LRRK1: variants seen among roughly 807,000 people sequenced by gnomAD.
The protein encoded by LRRK1 is leucine rich repeat kinase 1.
Under a neutral mutation model 209.1 loss-of-function variants are expected in LRRK1, and 113 were observed. The observed-to-expected ratio is 0.54, with a 90% CI of 0.46 to 0.63. The LOEUF is 0.63. LRRK1 is among the 30% of genes least tolerant of loss of function. The pLI, the probability that LRRK1 is intolerant of heterozygous loss-of-function variation, is 0.00. For missense variants in LRRK1, 2,284 were observed against 2,632.2 expected (o/e 0.87, Z 2.89); for synonymous variants, 1,144 against 1,099.7 (o/e 1.04, Z -0.80).
At position 100,973,234 on chromosome 15, in the gene LRRK1, C is replaced by A. The variant is rs572842512; in HGVS notation, c.98-570C>A. The stretch of plus-strand genomic sequence containing the variant: ...CTCGGATGACCGGGAGCAGCCCACG[C>A]TCTGGTGAAGCAGCGCGACCCGAGG... On this transcript the variant is annotated intron_variant, in intron 2 of 33. Transcript: ENST00000388948. Among the ~76,000 whole-genome samples the A allele has an allele frequency of 1.5e-4, 23 of 152,338 alleles. No individual in the cohort carries two copies. The East Asian group carries it at 4.5e-3, about 29-fold the overall frequency.
chr15:101,068,622 C>A, intron 33 of LRRK1, 49 bp from the exon 34 acceptor site: 2 of 1,525,228 alleles, frequency 1.3e-6, no homozygotes, highest in Non-Finnish European at 8.8e-7. Flanking sequence ...CCCAACCCCA[C>A]CCGAGTGGGA....
Position 101,073,196 on chromosome 15 carries a change from ATTCCT to A in LRRK1, c.*4352_*4356del, listed in dbSNP as rs1292126835. ...CAATTTCTCCCTTCTCTTAACTTCA[ATTCCT>A]TTCATTTTCTGGTAGAGATAAAGGA... On this transcript the variant is annotated 3_prime_UTR_variant, in exon 34 of 34. Coordinates refer to ENST00000388948, the MANE Select transcript of LRRK1 (RefSeq NM_024652.6). The A allele has an allele frequency of 3.3e-5, 5 of 152,616 alleles. No homozygotes were observed. The highest frequency in any genetic ancestry group is 1.2e-4 in the African/African-American group (5 of 41,534). 9.5% of individuals were successfully genotyped at this position (152,616 alleles called of 1,614,324 possible).
intron 2 of LRRK1, among the ~76,000 whole-genome samples, chr15:100,934,943 C>G (rs1041935276): frequency 2.6e-5 from 4 of 152,080 alleles, no homozygotes; most frequent in African/African-American, 9.7e-5. Context: ...TGTTGAATCT[C>G]AGGTCTGCTC....
At chr15:101,061,753 G>A (rs2036195022) in intron 30 of LRRK1, among the ~76,000 whole-genome samples, 1 of 152,230 alleles carries the variant, frequency 6.6e-6, no homozygotes, top group South Asian at 2.1e-4. Context: ...GCTCACGCCT[G>A]TAATCCCAGC....
chr15:100,940,577 G>A (rs371198512), intron 2 of LRRK1, among the ~76,000 whole-genome samples: 10 of 152,078 alleles, frequency 6.6e-5, no homozygotes, highest in African/African-American at 1.7e-4. Flanking sequence ...AACTCTTCTC[G>A]TTTTAATTCC....
chr15:101,014,127 G>A (rs968853156), intron 10 of LRRK1, among the ~76,000 whole-genome samples, 189 bp from the exon 11 acceptor site: 3 of 152,190 alleles, frequency 2.0e-5, no homozygotes, highest in South Asian at 2.1e-4. Context: ...TGGCCCCGTC[G>A]CACTGTTTGA....
chr15:101,025,829 G>A (rs930876244), intron 16 of LRRK1, 136 bp from the exon 17 acceptor site: 159 of 853,002 alleles, frequency 1.9e-4, no homozygotes, highest in Middle Eastern at 9.3e-4. Flanking sequence ...CATCCAAACC[G>A]TCTCAAGGCT....
intron 2 of LRRK1, among the ~76,000 whole-genome samples, chr15:100,964,045 A>G (rs2030284389): frequency 6.6e-6 from 1 of 152,182 alleles, no homozygotes; most frequent in African/African-American, 2.4e-5. Flanking sequence ...ACAAAATGGT[A>G]ATCTATGCCG....
rs1374460479 is a variant in LRRK1 at position 101,022,049 on chromosome 15, G to A, written c.1852+92G>A. On this transcript the variant is annotated intron_variant, in intron 14 of 33. Transcript: ENST00000388948. The surrounding 1 kb of genome is among the most constrained non-coding windows in gnomAD (Gnocchi z 4.0). Reference sequence around the variant, plus strand: ...AGTTCTGGGGGTGGAGACAGTTGGTGACCCATGGAGCCCAGCTCCAGGTTC... The same window carrying A: ...AGTTCTGGGGGTGGAGACAGTTGGTAACCCATGGAGCCCAGCTCCAGGTTC... The A allele has an allele frequency of 2.3e-6, 2 of 880,196 alleles. No homozygotes were observed. Among genetic ancestry groups the A allele is most frequent in the Non-Finnish European group, 3.5e-6 (2 of 566,822 alleles). 54.5% of individuals were successfully genotyped at this position (880,196 alleles called of 1,614,324 possible).
chr15:100,956,747 G>T (rs927287853), intron 2 of LRRK1, among the ~76,000 whole-genome samples: 1 of 152,006 alleles, frequency 6.6e-6, no homozygotes, highest in South Asian at 2.1e-4. Flanking sequence ...GCAGGCGTGA[G>T]CCACCATGAC....
chr15:101,010,621 T>C (rs1219378897), intron 8 of LRRK1, 44 bp downstream of exon 8: 2 of 1,600,900 alleles, frequency 1.2e-6, no homozygotes, highest in South Asian at 1.1e-5. Flanking sequence ...ATTTTCTTCT[T>C]GGTAGGGATA....
At chr15:101,003,897 C>T (rs1017689001) in intron 6 of LRRK1, among the ~76,000 whole-genome samples, 11 of 152,084 alleles carry the variant, frequency 7.2e-5, no homozygotes, top group African/African-American at 1.4e-4. Flanking sequence ...AGTAGGGAGG[C>T]GGGGGAGGTC....
In LRRK1 at chr15:101,021,086, A is replaced by T. The variant is rs1296485632; in HGVS notation, c.1643A>T (p.Glu548Val). 1.4e-5 allele frequency: 22 copies of T among 1,613,920 alleles called. No homozygotes were observed. The highest frequency in any genetic ancestry group is 1.7e-5 in the Non-Finnish European group (20 of 1,179,952). The part of the protein sequence containing the change: ...SVLEFPAFLS[E>V]SLEVLCLNDN... ...CTGGAATTTCCGGCCTTCCTAAGTG[A>T]GTCTTTGGAAGTCCTTTGCCTGAAC... Residue 548 changes from glutamate (E) to valine (V), a missense_variant, in exon 13 of 34, where the codon GAG (glutamate) becomes GTG (valine). Glu to Val is a moderately radical substitution (Grantham distance 121). Coordinates refer to ENST00000388948, the MANE Select transcript of LRRK1 (RefSeq NM_024652.6).
intron 20 of LRRK1, among the ~76,000 whole-genome samples, chr15:101,039,646 G>A (rs949404781): frequency 3.0e-4 from 45 of 152,198 alleles, no homozygotes; most frequent in Non-Finnish European, 5.6e-4. Context: ...GAGAGAAGGC[G>A]TCATTCTGTG....
At chr15:100,974,265 T>G (rs1454741790) in intron 3 of LRRK1, 1 of 294,806 alleles carries the variant, frequency 3.4e-6, no homozygotes, top group East Asian at 5.4e-5. Flanking sequence ...ACTCTATTCT[T>G]TTACGTTTTT....
intron 2 of LRRK1, among the ~76,000 whole-genome samples, chr15:100,931,091 C>T (rs530584170): frequency 6.6e-5 from 10 of 152,318 alleles, no homozygotes; most frequent in African/African-American, 2.4e-4. Context: ...ACGAGAAAAC[C>T]GAACAGAAAC....
intron 6 of LRRK1, among the ~76,000 whole-genome samples, chr15:101,002,798 A>G (rs1327175992): frequency 1.3e-5 from 2 of 152,152 alleles, no homozygotes; most frequent in Non-Finnish European, 2.9e-5. Flanking sequence ...CAGGGGTGCA[A>G]TCTCAGCTCA....
At position 101,067,421 on chromosome 15, in the gene LRRK1, ATGTGTGTGTGTGTGTGTGTG is replaced by A. The variant is rs57333844; in HGVS notation, c.5870+704_5870+723del. ...CCCCTACGAAAAGTCCTCAGTTCAA[ATGTGTGTGTGTGTGTGTGTG>A]TGTGTGTGTGTGTGTGTGTGTGTAC... is the stretch of plus-strand genomic sequence containing the variant. On this transcript the variant is annotated intron_variant, in intron 33 of 33. Transcript: ENST00000388948. 2,530 of 297,134 alleles carry A rather than the reference ATGTGTGTGTGTGTGTGTGTG, an allele frequency of 8.5e-3. 7 individuals carry two copies. Among genetic ancestry groups the A allele is most frequent in the Non-Finnish European group, 0.014 (2,024 of 143,548 alleles). 18.4% of individuals were successfully genotyped at this position (297,134 alleles called of 1,614,324 possible). A position where few individuals can be genotyped will look rare whatever the true frequency, so the allele number is the denominator to read the frequency against.
chr15:101,032,825 C>T (rs990928289), intron 20 of LRRK1, among the ~76,000 whole-genome samples: 2 of 152,170 alleles, frequency 1.3e-5, no homozygotes, highest in Non-Finnish European at 2.9e-5. Context: ...TATTTCAGGA[C>T]TCTATTTTGT....
Sources: allele counts gnomAD v4.1 joint callset (sites outside exome capture counted in the v4.1 genomes callset), GRCh38; gene constraint gnomAD v4.1.1; non-coding constraint Gnocchi (gnomAD v3.1); transcripts MANE v1.5; gene names NCBI Gene and HGNC (gene_info 2026-07-23, HGNC 2026-07-21).